Variants in SNRK observed in about 807,000 individuals in gnomAD.
SNRK encodes the protein SNF related kinase.
Under a neutral mutation model 48.2 loss-of-function variants are expected in SNRK, and 3 were observed. The ratio of observed to expected loss-of-function variants is 0.06; its 90% CI spans 0.03 to 0.16. The LOEUF (loss-of-function observed/expected upper bound fraction) is 0.16, where lower values mean the gene tolerates loss of function less well. Ranked by LOEUF, SNRK falls within the 10% of genes least tolerant of loss-of-function variation. The pLI is 1.00. For synonymous variants in SNRK, 376 were observed against 366.1 expected (o/e 1.03, Z -0.31); for missense variants, 627 against 976.0 (o/e 0.64, Z 4.76).
intron 1 of SNRK, among the ~76,000 whole-genome samples, chr3:43,293,472 C>T (rs79767113): frequency 0.024 from 3,584 of 152,066 alleles, 152 homozygotes; most frequent in African/African-American, 0.081. Context: ...TCTGCCTTTC[C>T]TGGAGTATGA....
At chr3:43,314,195 T>C (rs2090998684) in intron 3 of SNRK, among the ~76,000 whole-genome samples, 1 of 152,230 alleles carries the variant, frequency 6.6e-6, no homozygotes, top group African/African-American at 2.4e-5. Context: ...TTCTTAACTT[T>C]TTCTGATTCA....
intron 1 of SNRK, among the ~76,000 whole-genome samples, chr3:43,291,612 C>G (rs549376655): frequency 6.6e-6 from 1 of 152,310 alleles, no homozygotes; most frequent in South Asian, 2.1e-4. Context: ...TTAACTTTCA[C>G]AATAACTGTC....
chr3:43,303,260 T>C lies in SNRK; in HGVS notation c.57T>C (p.Asp19=). ...DGKIAGLYDL[D]KTLGRGHFAV... ...AGATTGCTGGATTATATGATCTGGATAAAACCTTGGGTCGAGGCCATTTTG... is the reference window on the plus strand; with the variant it reads ...AGATTGCTGGATTATATGATCTGGACAAAACCTTGGGTCGAGGCCATTTTG... The change falls in exon 3 of 7, where the codon GAT becomes GAC. Residue 19 remains aspartate, a synonymous_variant. Transcript: ENST00000296088. The surrounding 1 kb of genome is among the most constrained non-coding windows in gnomAD (Gnocchi z 6.2). The C allele has an allele frequency of 6.2e-7, 1 of 1,614,190 alleles. No individual in the cohort carries two copies. Among genetic ancestry groups the C allele is most frequent in the Non-Finnish European group, 8.5e-7 (1 of 1,180,026 alleles).
chr3:43,294,473 CTG>C (rs1332098805), intron 1 of SNRK, among the ~76,000 whole-genome samples: 6 of 152,264 alleles, frequency 3.9e-5, no homozygotes, highest in Non-Finnish European at 5.9e-5. Flanking sequence ...CTAATAGAAA[CTG>C]TGATTGGTCA....
chr3:43,305,212 T>C (rs1174894842), intron 3 of SNRK, among the ~76,000 whole-genome samples: 2 of 152,210 alleles, frequency 1.3e-5, no homozygotes, highest in Non-Finnish European at 2.9e-5. Context: ...CAATATCTGG[T>C]AAAGGTAAAG....
chr3:43,294,373 CCT>C, intron 1 of SNRK, among the ~76,000 whole-genome samples: 1 of 152,182 alleles, frequency 6.6e-6, no homozygotes, highest in South Asian at 2.1e-4. Context: ...TTCATTTATA[CCT>C]ATACATATAT....
chr3:43,332,023 TG>T, intron 3 of SNRK, 145 bp from the exon 4 acceptor site: 2 of 524,118 alleles, frequency 3.8e-6, no homozygotes, highest in Non-Finnish European at 6.2e-6. Flanking sequence ...CCTGCCCTAT[TG>T]GGGCTTCTTT....
intron 6 of SNRK, among the ~76,000 whole-genome samples, chr3:43,346,613 C>T (rs1178682356): frequency 2.0e-5 from 3 of 152,136 alleles, no homozygotes; most frequent in African/African-American, 7.2e-5. Context: ...CGGTGGTGTG[C>T]GCCTATAGTC....
chr3:43,330,664 T>G (rs1420469493), intron 3 of SNRK, among the ~76,000 whole-genome samples: 2 of 152,216 alleles, frequency 1.3e-5, no homozygotes, highest in African/African-American at 2.4e-5. Context: ...TGGGGATGGC[T>G]CTCTGGATTC....
At chr3:43,306,197 T>C (rs1262979382) in intron 3 of SNRK, among the ~76,000 whole-genome samples, 4 of 152,132 alleles carry the variant, frequency 2.6e-5, no homozygotes, top group African/African-American at 4.8e-5. Flanking sequence ...TTATATTGTG[T>C]GATGTGTGAT....
At position 43,339,644 on chromosome 3, in the gene SNRK, C is replaced by T. The variant is rs1321205681; in HGVS notation, c.732-643C>T. ...CATCCTGGCCAACATAGTGAAACCC[C>T]GTCTCTACCAAAAATACAAAACTTA... On this transcript the variant is annotated intron_variant, in intron 4 of 6. Coordinates refer to ENST00000296088, the MANE Select transcript of SNRK (RefSeq NM_017719.5). Among the ~76,000 whole-genome samples the T allele has an allele frequency of 8.6e-5, 13 of 151,182 alleles. No homozygotes were observed. The East Asian group carries it at 2.2e-3, about 25-fold the overall frequency.
Position 43,348,345 on chromosome 3 carries a change from G to A in SNRK, c.2086G>A (p.Gly696Arg), listed in dbSNP as rs763903055. 6.2e-7 allele frequency: 1 copy of A among 1,610,806 alleles called. No individual in the cohort carries two copies. The highest frequency in any genetic ancestry group is 8.5e-7 in the Non-Finnish European group (1 of 1,178,438). The change falls in exon 7 of 7, where the codon GGG (glycine) becomes AGG (arginine). Residue 696 changes from glycine (G) to arginine (R), a missense_variant. Physicochemically the swap from Gly to Arg is moderately radical, Grantham distance 125 (BLOSUM62 -2). Coordinates refer to ENST00000296088, the MANE Select transcript of SNRK (RefSeq NM_017719.5). ...GTGCATTAGCTCCACAGGGAATGCA[G>A]GGCAGGTCCCTGCAGTGGGCGGCAT... ...KMCISSTGNA[G>R]QVPAVGGIKF... is the part of the protein sequence containing the mutation.
In SNRK at chr3:43,349,535, T is replaced by A. The variant is rs899791060; in HGVS notation, c.*978T>A. ...GTAATTAGATTATCTCTTTTGTTAT[T>A]TTCATTCAGTTATATCCTTTGGCTC... On this transcript the variant is annotated 3_prime_UTR_variant, in exon 7 of 7. Coordinates refer to ENST00000296088, the MANE Select transcript of SNRK (RefSeq NM_017719.5). 6.6e-6 allele frequency: 1 copy of A among 152,228 alleles called. No individual in the cohort carries two copies. The highest frequency in any genetic ancestry group is 6.5e-5 in the Admixed American group (1 of 15,282). The allele number at this position is 152,228 out of a possible 1,614,324, so 9.4% of individuals were successfully genotyped here. A position where few individuals can be genotyped will look rare whatever the true frequency, so the allele number is the denominator to read the frequency against.
chr3:43,319,214 A>G (rs1039721713), intron 3 of SNRK, among the ~76,000 whole-genome samples: 1 of 152,130 alleles, frequency 6.6e-6, no homozygotes, highest in Non-Finnish European at 1.5e-5. Flanking sequence ...TATTAGCCTT[A>G]TATAGGGTTG....
chr3:43,297,058 A>T (rs2090861584), intron 1 of SNRK, among the ~76,000 whole-genome samples: 1 of 152,236 alleles, frequency 6.6e-6, no homozygotes, highest in African/African-American at 2.4e-5. Context: ...CTAAATAAAA[A>T]GGTTGCTCTA....
chr3:43,332,914 A>T (rs941481674), intron 4 of SNRK: 12 of 152,346 alleles, frequency 7.9e-5, no homozygotes, highest in African/African-American at 2.4e-4. Flanking sequence ...GAAATATAGT[A>T]ATGGAATAGA....
intron 3 of SNRK, among the ~76,000 whole-genome samples, chr3:43,319,327 T>G (rs1447797651): frequency 1.3e-5 from 2 of 152,170 alleles, no homozygotes; most frequent in African/African-American, 4.8e-5. Flanking sequence ...AGAAAAAACA[T>G]TACAAGTTCT....
intron 4 of SNRK, among the ~76,000 whole-genome samples, chr3:43,339,955 C>T (rs1198823432): frequency 6.8e-6 from 1 of 146,896 alleles, no homozygotes; most frequent in Non-Finnish European, 1.5e-5. Flanking sequence ...ATACTTTATT[C>T]TGTATGTCAT....
At chr3:43,339,779 G>A (rs1235170845) in intron 4 of SNRK, among the ~76,000 whole-genome samples, 1 of 131,450 alleles carries the variant, frequency 7.6e-6, no homozygotes, top group African/African-American at 2.8e-5. Context: ...TTGCACCACT[G>A]CACTCCAGCT....
Sources: allele counts gnomAD v4.1 joint callset (sites outside exome capture counted in the v4.1 genomes callset), GRCh38; gene constraint gnomAD v4.1.1; non-coding constraint Gnocchi (gnomAD v3.1); transcripts MANE v1.5; gene names NCBI Gene and HGNC (gene_info 2026-07-23, HGNC 2026-07-21).